The following BRWD1 variants were observed in gnomAD, a reference collection of about 807,000 sequenced individuals.
BRWD1 encodes bromodomain and WD repeat domain containing 1.
In BRWD1, 82 loss-of-function variants were observed where a neutral mutation model predicts 251.2. The observed-to-expected ratio is 0.33, with a 90% confidence interval of 0.27 to 0.39. The LOEUF (loss-of-function observed/expected upper bound fraction) is 0.39, where lower values mean the gene tolerates loss of function less well. BRWD1 is among the 10% of genes least tolerant of loss of function. The pLI, the probability that BRWD1 is intolerant of heterozygous loss-of-function variation, is 1.00. For synonymous variants in BRWD1, 918 were observed against 902.8 expected (o/e 1.02, Z -0.30); for missense variants, 2,233 against 2,711.6 (o/e 0.82, Z 3.92).
In BRWD1 at chr21:39,193,813, T is replaced by C. The variant is rs1325583192; in HGVS notation, c.*2446A>G. ...TAGAAAAAAAAGGCCAAACATGTTC[T>C]AGTGCTCAATGTAAACATTTTAACT... On this transcript the variant is annotated 3_prime_UTR_variant, in exon 41 of 41. Coordinates refer to ENST00000342449, the MANE Select transcript of BRWD1 (RefSeq NM_033656.4). 4.1e-6 allele frequency: 4 copies of C among 985,518 alleles called. No homozygotes were observed. Among genetic ancestry groups the C allele is most frequent in the African/African-American group, 1.7e-5 (1 of 57,352 alleles). 61.0% of individuals were successfully genotyped at this position (985,518 alleles called of 1,614,324 possible).
intron 37 of BRWD1, among the ~76,000 whole-genome samples, chr21:39,204,369 G>A (rs1214332025): frequency 6.6e-6 from 1 of 151,102 alleles, no homozygotes; most frequent in African/African-American, 2.4e-5. Flanking sequence ...AAATATAAAT[G>A]GAAACAAACT....
At chr21:39,274,552 A>T (rs1439330348) in intron 12 of BRWD1, 80 bp from the exon 13 acceptor site, 1 of 1,126,272 alleles carries the variant, frequency 8.9e-7, no homozygotes, top group East Asian at 2.4e-5. Context: ...ATGCAAAAAA[A>T]GAATGTAATG....
chr21:39,192,965 T>C lies in BRWD1; in HGVS notation c.*3294A>G. 1 of 984,668 alleles carries C rather than the reference T, an allele frequency of 1.0e-6. No individual in the cohort carries two copies. The highest frequency in any genetic ancestry group is 1.2e-6 in the Non-Finnish European group (1 of 829,310). 61.0% of individuals were successfully genotyped at this position (984,668 alleles called of 1,614,324 possible). On this transcript the variant is annotated 3_prime_UTR_variant, in exon 41 of 41. Coordinates refer to ENST00000342449, the MANE Select transcript of BRWD1 (RefSeq NM_033656.4). Reference sequence around the variant, plus strand: ...AGTCTAGAAGACAGAGGGAATGTAGTGTGCACCCCTTATTCTAAGTGATAA... The same window carrying C: ...AGTCTAGAAGACAGAGGGAATGTAGCGTGCACCCCTTATTCTAAGTGATAA...
chr21:39,312,800 G>A, intron 4 of BRWD1, 41 bp downstream of exon 4: 2 of 1,534,008 alleles, frequency 1.3e-6, no homozygotes, highest in South Asian at 1.2e-5. Context: ...GCGGGGGGCG[G>A]TGCACGGAAA....
At position 39,309,824 on chromosome 21, in the gene BRWD1, C is replaced by CAA. The variant is rs10709480; in HGVS notation, c.198+3015_198+3016dup. Reference sequence around the variant, plus strand: ...TGGGCGACAGAGCGAGACTCCGTCTCAAAAAAAAAAAAAAAAAAAAGACAC... The same window carrying CAA: ...TGGGCGACAGAGCGAGACTCCGTCTCAAAAAAAAAAAAAAAAAAAAAAGACAC... On this transcript the variant is annotated intron_variant, in intron 4 of 40. Coordinates refer to ENST00000342449, the MANE Select transcript of BRWD1 (RefSeq NM_033656.4). 5.5e-3 allele frequency among the ~76,000 whole-genome samples: 411 copies of CAA among 74,926 alleles called. 9 individuals carry two copies. The highest frequency in any genetic ancestry group is 6.6e-3 in the Non-Finnish European group (249 of 37,772). The allele number at this position is 74,926 out of a possible 152,430, so 49.2% of individuals were successfully genotyped here.
At position 39,193,999 on chromosome 21, in the gene BRWD1, G is replaced by A. The variant is rs1296208599; in HGVS notation, c.*2260C>T. ...CATAACTTGAGAAGCTACCATTGTC[G>A]GCTATGCTTTTAAAGACATCAGGTC... On this transcript the variant is annotated 3_prime_UTR_variant, in exon 41 of 41. Coordinates refer to ENST00000342449, the MANE Select transcript of BRWD1 (RefSeq NM_033656.4). The A allele has an allele frequency of 1.0e-5, 10 of 985,222 alleles. No homozygotes were observed. The highest frequency in any genetic ancestry group is 1.2e-5 in the Non-Finnish European group (10 of 829,694). 61.0% of individuals were successfully genotyped at this position (985,222 alleles called of 1,614,324 possible).
In BRWD1 at chr21:39,218,329, C is replaced by T. The variant is rs552179963; in HGVS notation, c.3539-57G>A. The T allele has an allele frequency of 2.6e-6, 4 of 1,544,010 alleles. No homozygotes were observed. In the African/African-American group the frequency reaches 4.2e-5, roughly 16 times the overall value. Reference sequence around the variant, plus strand: ...ATAAATCCATTGCCTCTAAGTGGTACTTCTCTAGAAATCATTCATAAGATA... The same window carrying T: ...ATAAATCCATTGCCTCTAAGTGGTATTTCTCTAGAAATCATTCATAAGATA... On this transcript the variant is annotated intron_variant, in intron 30 of 40. Coordinates refer to ENST00000342449, the MANE Select transcript of BRWD1 (RefSeq NM_033656.4).
chr21:39,232,421 A>G lies in BRWD1; in HGVS notation c.2844T>C (p.Thr948=), dbSNP rs1485276260. ...LYEFHPPVWI[T]DTTLRKSPFV... ...AAGGAGATTTTCTAAGTGTGGTGTC[A>G]GTAATCCAAACTGGAGGGTGAAATT... Residue 948 remains threonine (T), a synonymous_variant, in exon 24 of 41, where the codon ACT becomes ACC. Coordinates refer to ENST00000342449, the MANE Select transcript of BRWD1 (RefSeq NM_033656.4). The G allele has an allele frequency of 1.3e-6, 2 of 1,594,284 alleles. No homozygotes were observed. The highest frequency in any genetic ancestry group is 1.7e-6 in the Non-Finnish European group (2 of 1,175,578).
intron 27 of BRWD1, among the ~76,000 whole-genome samples, chr21:39,227,897 G>A (rs977481492): frequency 2.0e-5 from 3 of 152,128 alleles, no homozygotes; most frequent in African/African-American, 7.2e-5. Flanking sequence ...AGTCTAAAAG[G>A]AAGTAAGTCT....
At chr21:39,294,993 G>T in intron 7 of BRWD1, among the ~76,000 whole-genome samples, 1 of 151,908 alleles carries the variant, frequency 6.6e-6, no homozygotes, top group East Asian at 1.9e-4. Context: ...GAACACTAAT[G>T]GGTTATTTTA....
At chr21:39,287,290 A>G (rs2035671351) in intron 8 of BRWD1, among the ~76,000 whole-genome samples, 1 of 152,218 alleles carries the variant, frequency 6.6e-6, no homozygotes, top group Non-Finnish European at 1.5e-5. Context: ...TTCCTTATTG[A>G]AAAGCTCTCC....
At chr21:39,249,279 A>T (rs532883358) in intron 20 of BRWD1, among the ~76,000 whole-genome samples, 1 of 152,342 alleles carries the variant, frequency 6.6e-6, no homozygotes, top group South Asian at 2.1e-4. Flanking sequence ...GTAACAAAAT[A>T]ATCCATACAC....
At chr21:39,274,312 A>C (rs2035211056) in intron 13 of BRWD1, 62 bp downstream of exon 13, 4 of 1,260,006 alleles carry the variant, frequency 3.2e-6, no homozygotes, top group African/African-American at 1.5e-5. Flanking sequence ...AGCGAGAGAG[A>C]GAGAGAGAGA....
rs940740808 is a variant in BRWD1, at chr21:39,189,066, G to A, written c.*7193C>T. 1.0e-6 allele frequency: 1 copy of A among 984,252 alleles called. No homozygotes were observed. The highest frequency in any genetic ancestry group is 1.2e-6 in the Non-Finnish European group (1 of 828,844). 61.0% of individuals were successfully genotyped at this position (984,252 alleles called of 1,614,324 possible). A position where few individuals can be genotyped will look rare whatever the true frequency, so the allele number is the denominator to read the frequency against. On this transcript the variant is annotated 3_prime_UTR_variant, in exon 41 of 41. Transcript: ENST00000342449. ...AATTATGAACTAGTATCTCCAACAA[G>A]TCAACCCTATATCCAAAATGAATCT... is the stretch of plus-strand genomic sequence containing the variant.
At chr21:39,252,208 C>T (rs1229203818) in intron 19 of BRWD1, among the ~76,000 whole-genome samples, 1 of 145,808 alleles carries the variant, frequency 6.9e-6, no homozygotes, top group Non-Finnish European at 1.5e-5. Context: ...AAGATCACAC[C>T]ATTACACTCC....
At position 39,301,988 on chromosome 21, in the gene BRWD1, T is replaced by TG. The variant is rs1250885098; in HGVS notation, c.199-3407_199-3406insC. Among the ~76,000 whole-genome samples the TG allele has an allele frequency of 2.6e-3, 362 of 139,194 alleles. 6 individuals are homozygous for TG. Among genetic ancestry groups the TG allele is most frequent in the African/African-American group, 9.7e-3 (355 of 36,752 alleles). The allele number at this position is 139,194 out of a possible 152,430, so 91.3% of individuals were successfully genotyped here. ...TAAAAAGCTTTGTGTGTTTTTTTTTTTTTTTTTTTTTTTTGAGACAGTCTT... is the reference window on the plus strand; with the variant it reads ...TAAAAAGCTTTGTGTGTTTTTTTTTTGTTTTTTTTTTTTTTGAGACAGTCTT... On this transcript the variant is annotated intron_variant, in intron 4 of 40. Coordinates refer to ENST00000342449, the MANE Select transcript of BRWD1 (RefSeq NM_033656.4).
At position 39,187,928 on chromosome 21, in the gene BRWD1, C is replaced by G. The variant is rs1321683629; in HGVS notation, c.*8331G>C. 5.1e-6 allele frequency: 5 copies of G among 981,920 alleles called. No homozygotes were observed. The highest frequency in any genetic ancestry group is 6.0e-6 in the Non-Finnish European group (5 of 826,946). The allele number at this position is 981,920 out of a possible 1,614,324, so 60.8% of individuals were successfully genotyped here. A position where few individuals can be genotyped will look rare whatever the true frequency, so the allele number is the denominator to read the frequency against. On this transcript the variant is annotated 3_prime_UTR_variant, in exon 41 of 41. Coordinates refer to ENST00000342449, the MANE Select transcript of BRWD1 (RefSeq NM_033656.4). ...GGCTTCCTTTAAGGAAGCTTTTAGA[C>G]GAGAGGTGAAAATTGTGAAGGGATT... is the stretch of plus-strand genomic sequence containing the variant.
intron 13 of BRWD1, among the ~76,000 whole-genome samples, chr21:39,271,156 G>C (rs2035086523): frequency 1.3e-5 from 2 of 152,118 alleles, no homozygotes; most frequent in African/African-American, 4.8e-5. Context: ...GCCAGGTGTG[G>C]TGGCACACAC....
At chr21:39,213,456 A>T (rs778721122) in intron 33 of BRWD1, 25 bp downstream of exon 33, 1 of 1,587,652 alleles carries the variant, frequency 6.3e-7, no homozygotes, top group South Asian at 1.1e-5. Flanking sequence ...AACAAAAACC[A>T]TTATAAAATC....
Sources: gnomAD v4.1 joint callset for allele counts (sites outside exome capture counted in the v4.1 genomes callset) on GRCh38, gnomAD v4.1.1 for gene constraint, MANE v1.5 for transcripts, NCBI Gene and HGNC (gene_info 2026-07-23, HGNC 2026-07-21) for gene names.